LDB2: variants seen among roughly 807,000 people sequenced by gnomAD.
The protein encoded by LDB2 is LIM domain binding 2, also known as LIM domain-binding protein 2.
Under a neutral mutation model 44.3 loss-of-function variants are expected in LDB2, and 12 were observed. The observed-to-expected ratio is 0.27, with a 90% CI of 0.17 to 0.44. The LOEUF (loss-of-function observed/expected upper bound fraction) is 0.44. Ranked by LOEUF, LDB2 falls within the 20% of genes least tolerant of loss-of-function variation. The probability of loss-of-function intolerance (pLI) is 1.00; values close to 1 mark genes in which losing one functional copy is unlikely to be tolerated. For missense variants in LDB2, 344 were observed against 473.5 expected, an observed-to-expected ratio of 0.73 and a Z score of 2.54; for synonymous variants, 164 against 174.8, an observed-to-expected ratio of 0.94 and a Z score of 0.49.
intron 5 of LDB2, among the ~76,000 whole-genome samples, chr4:16,558,367 G>T (rs1328149925): frequency 1.3e-5 from 2 of 152,194 alleles, no homozygotes; most frequent in East Asian, 3.8e-4. Context: ...GTGCCTAAAG[G>T]AGCTGATGGA....
intron 1 of LDB2, among the ~76,000 whole-genome samples, chr4:16,831,174 CTTTT>C (rs370309653): frequency 2.4e-5 from 3 of 126,710 alleles, no homozygotes; most frequent in South Asian, 2.6e-4. Flanking sequence ...CCTCTCTGAG[CTTTT>C]TTTTTTTTTT....
At chr4:16,511,606 A>G (rs1035159964) in intron 6 of LDB2, among the ~76,000 whole-genome samples, 1 of 152,028 alleles carries the variant, frequency 6.6e-6, no homozygotes, top group African/African-American at 2.4e-5. Context: ...ATTCTTAAAA[A>G]ACAAAAACCT....
At chr4:16,866,866 C>A (rs1392012057) in intron 1 of LDB2, among the ~76,000 whole-genome samples, 2 of 152,146 alleles carry the variant, frequency 1.3e-5, no homozygotes, top group African/African-American at 4.8e-5. Context: ...CAAACATGGC[C>A]ACATTAATAC....
chr4:16,589,213 T>A (rs1353550008), intron 3 of LDB2, among the ~76,000 whole-genome samples: 1 of 152,226 alleles, frequency 6.6e-6, no homozygotes, highest in Non-Finnish European at 1.5e-5. Context: ...TATTCTAATC[T>A]TGGTTATCCT....
intron 2 of LDB2, among the ~76,000 whole-genome samples, chr4:16,661,516 C>T (rs997403556): frequency 6.6e-6 from 1 of 152,162 alleles, no homozygotes; most frequent in African/African-American, 2.4e-5. Context: ...ATACAATTAC[C>T]TACTTCCTAG....
chr4:16,886,606 A>G (rs1161375180), intron 1 of LDB2, among the ~76,000 whole-genome samples: 3 of 152,180 alleles, frequency 2.0e-5, no homozygotes, highest in Non-Finnish European at 4.4e-5. Context: ...TGTTTTTAAA[A>G]CCAAAAAAGG....
At chr4:16,557,223 G>T (rs557280527) in intron 5 of LDB2, among the ~76,000 whole-genome samples, 9 of 152,342 alleles carry the variant, frequency 5.9e-5, no homozygotes, top group Admixed American at 5.9e-4. Flanking sequence ...GACAGTGGGT[G>T]CAGAGCACCG....
intron 2 of LDB2, among the ~76,000 whole-genome samples, chr4:16,607,444 G>A (rs1171621609): frequency 6.6e-6 from 1 of 151,676 alleles, no homozygotes; most frequent in South Asian, 2.1e-4. Flanking sequence ...TGCCTTGAAA[G>A]TTTCTGATTC....
chr4:16,675,534 G>A (rs1182116380), intron 2 of LDB2, among the ~76,000 whole-genome samples: 2 of 150,936 alleles, frequency 1.3e-5, no homozygotes, highest in Non-Finnish European at 2.9e-5. Context: ...AATCTCATGG[G>A]AAAGGCAGGG....
intron 2 of LDB2, chr4:16,653,773 C>G (rs1447296519): frequency 6.6e-6 from 1 of 152,192 alleles, no homozygotes; most frequent in East Asian, 1.9e-4. Flanking sequence ...GGGAGCCAGA[C>G]AGCTTTGTTG....
At chr4:16,665,737 C>T (rs987521138) in intron 2 of LDB2, among the ~76,000 whole-genome samples, 2 of 151,634 alleles carry the variant, frequency 1.3e-5, no homozygotes, top group Non-Finnish European at 2.9e-5. Context: ...CCATTTGGAA[C>T]GTGTAAATGT....
intron 1 of LDB2, among the ~76,000 whole-genome samples, chr4:16,768,206 T>G (rs77165085): frequency 0.022 from 3,291 of 152,222 alleles, 124 homozygotes; most frequent in African/African-American, 0.074. Context: ...TTTTTTTTAT[T>G]AAAATAAACT....
intron 2 of LDB2, among the ~76,000 whole-genome samples, chr4:16,709,057 G>A (rs1332245307): frequency 6.6e-6 from 1 of 150,828 alleles, no homozygotes; most frequent in Non-Finnish European, 1.5e-5. Context: ...TCAGCATCAG[G>A]CTTGGGTAGA....
chr4:16,716,812 A>G (rs1359487113), intron 2 of LDB2, among the ~76,000 whole-genome samples: 1 of 152,102 alleles, frequency 6.6e-6, no homozygotes, highest in Non-Finnish European at 1.5e-5. Flanking sequence ...CACTTGTCCC[A>G]TTATAGTATA....
chr4:16,582,984 G>A lies in LDB2; in HGVS notation c.615+2938C>T, dbSNP rs931173851. 3.9e-5 allele frequency among the ~76,000 whole-genome samples: 6 copies of A among 152,146 alleles called. No homozygotes were observed. Among genetic ancestry groups the A allele is most frequent in the African/African-American group, 1.2e-4 (5 of 41,436 alleles). On this transcript the variant is annotated intron_variant, in intron 5 of 7. Coordinates refer to ENST00000304523, the MANE Select transcript of LDB2 (RefSeq NM_001290.5). The surrounding 1 kb of genome is among the most constrained non-coding windows in gnomAD (Gnocchi z 4.8). ...TTGCTTCAAAAGCACCAGGTCACCA[G>A]AGCCCCCTCCAAAGTGCTGCTGGCC...
At chr4:16,690,731 T>A (rs1379409388) in intron 2 of LDB2, among the ~76,000 whole-genome samples, 2 of 152,104 alleles carry the variant, frequency 1.3e-5, no homozygotes, top group African/African-American at 4.8e-5. Flanking sequence ...TTAAGTTTGA[T>A]TAGAACTTCT....
chr4:16,874,329 ATATT>A (rs1244065806), intron 1 of LDB2, among the ~76,000 whole-genome samples: 3 of 152,178 alleles, frequency 2.0e-5, no homozygotes, highest in African/African-American at 7.2e-5. Flanking sequence ...TCCCGTGTCT[ATATT>A]TATCTATAAG....
intron 2 of LDB2, among the ~76,000 whole-genome samples, chr4:16,728,759 T>C (rs974494603): frequency 1.3e-5 from 2 of 152,238 alleles, no homozygotes; most frequent in African/African-American, 2.4e-5. Context: ...TATATCTTTC[T>C]ATCCTTCAAG....
intron 2 of LDB2, among the ~76,000 whole-genome samples, chr4:16,679,273 A>G (rs1747177745): frequency 6.6e-6 from 1 of 152,164 alleles, no homozygotes; most frequent in South Asian, 2.1e-4. Context: ...AAGAAAGGGA[A>G]TAACAAAAAG....
Sources: allele counts gnomAD v4.1 joint callset (sites outside exome capture counted in the v4.1 genomes callset), GRCh38; gene constraint gnomAD v4.1.1; non-coding constraint Gnocchi (gnomAD v3.1); transcripts MANE v1.5; gene names NCBI Gene and HGNC (gene_info 2026-07-23, HGNC 2026-07-21).